COL10A1: variants seen among roughly 807,000 people sequenced by gnomAD.
COL10A1 encodes the protein collagen alpha-1(X) chain.
A neutral mutation model predicts 18.2 loss-of-function variants in COL10A1; 10 were observed. The ratio of observed to expected loss-of-function variants is 0.55; its 90% CI spans 0.34 to 0.93. The LOEUF is 0.93. COL10A1 is among the 40% of genes least tolerant of loss of function. The pLI is 0.02. For synonymous variants in COL10A1, 330 were observed against 316.6 expected, an observed-to-expected ratio of 1.04 and a Z score of -0.45; for missense variants, 897 against 853.5, an observed-to-expected ratio of 1.05 and a Z score of -0.64.
the COL10A1 span, among the ~76,000 whole-genome samples, chr6:116,205,970 GT>G: frequency 1.3e-5 from 2 of 151,906 alleles, no homozygotes; most frequent in Non-Finnish European, 2.9e-5. Flanking sequence ...GCTACCCCAA[GT>G]TTCTCTGCTC....
intron 1 of COL10A1, chr6:116,137,163 G>T: frequency 5.2e-6 from 1 of 193,746 alleles, no homozygotes. Context: ...AGATGTGGCT[G>T]CCACCCCAAA....
chr6:116,182,490 T>A, the COL10A1 span, among the ~76,000 whole-genome samples: 4 of 152,178 alleles, frequency 2.6e-5, no homozygotes, highest in Non-Finnish European at 5.9e-5. Flanking sequence ...TGTACTAGTT[T>A]ACATACCCAC....
chr6:116,168,286 C>G, the COL10A1 span, among the ~76,000 whole-genome samples: 1 of 151,928 alleles, frequency 6.6e-6, no homozygotes, highest in Non-Finnish European at 1.5e-5. Flanking sequence ...CACCTTCTCT[C>G]TTTTCTTGTC....
chr6:116,154,160 T>A (rs575003107), intron 1 of COL10A1, among the ~76,000 whole-genome samples: 1 of 151,594 alleles, frequency 6.6e-6, no homozygotes, highest in Admixed American at 6.6e-5. Context: ...AGAATAGCAA[T>A]AAGAGTCTAT....
intron 1 of COL10A1, among the ~76,000 whole-genome samples, chr6:116,144,665 T>G (rs532613964): frequency 9.2e-5 from 14 of 152,310 alleles, no homozygotes; most frequent in Non-Finnish European, 1.5e-4. Flanking sequence ...TAGATTTTAT[T>G]TGTAATCCAC....
chr6:116,135,868 TATATAC>T (rs1435648363), intron 1 of COL10A1, among the ~76,000 whole-genome samples: 1,807 of 115,184 alleles, frequency 0.016, 54 homozygotes, highest in African/African-American at 0.055. Flanking sequence ...TATATATATA[TATATAC>T]ACACATACAC....
At chr6:116,215,626 T>G in the COL10A1 span, among the ~76,000 whole-genome samples, 1 of 152,112 alleles carries the variant, frequency 6.6e-6, no homozygotes, top group African/African-American at 2.4e-5. Flanking sequence ...TTCAAAAACC[T>G]CTCTCCACAT....
In COL10A1 at chr6:116,148,700, G is replaced by T. The variant is rs574762054; in HGVS notation, c.-16+9914C>A. Reference sequence around the variant, plus strand: ...ATTAATAATTAAAATGGTTTTTTGAGAAATTTTTTGTCTTTCTCTATGAGA... The same window carrying T: ...ATTAATAATTAAAATGGTTTTTTGATAAATTTTTTGTCTTTCTCTATGAGA... On this transcript the variant is annotated intron_variant, in intron 1 of 1. Transcript: ENST00000418500. Among the ~76,000 whole-genome samples, 68 of 152,164 alleles carry T rather than the reference G, an allele frequency of 4.5e-4. 3 individuals carry two copies. In the South Asian group the frequency reaches 0.014, roughly 31 times the overall value.
At chr6:116,207,124 A>G in the COL10A1 span, among the ~76,000 whole-genome samples, 1 of 151,972 alleles carries the variant, frequency 6.6e-6, no homozygotes, top group Non-Finnish European at 1.5e-5. Flanking sequence ...TGTTTTATTC[A>G]GATCCTCTGG....
At chr6:116,211,929 G>A in the COL10A1 span, among the ~76,000 whole-genome samples, 2 of 151,990 alleles carry the variant, frequency 1.3e-5, no homozygotes, top group African/African-American at 4.8e-5. Context: ...ATGTTGCAAA[G>A]AGTATTGGGG....
intron 1 of COL10A1, among the ~76,000 whole-genome samples, chr6:116,151,266 G>A (rs569925832): frequency 3.9e-5 from 6 of 152,212 alleles, no homozygotes; most frequent in African/African-American, 1.2e-4. Flanking sequence ...GAATATGTGG[G>A]CCTGTGATGA....
Position 116,119,994 on chromosome 6 carries a change from T to A in COL10A1, c.*79A>T. 5 of 1,198,662 alleles carry A rather than the reference T, an allele frequency of 4.2e-6. No individual in the cohort carries two copies. Among genetic ancestry groups the A allele is most frequent in the Non-Finnish European group, 6.2e-6 (5 of 804,822 alleles). The allele number at this position is 1,198,662 out of a possible 1,614,324, so 74.3% of individuals were successfully genotyped here. Reference sequence around the variant, plus strand: ...AAAATTACATTCTTTTCAGCCTACCTCCATATGCATTTTGTAGGGTGGGGT... The same window carrying A: ...AAAATTACATTCTTTTCAGCCTACCACCATATGCATTTTGTAGGGTGGGGT... On this transcript the variant is annotated 3_prime_UTR_variant, in exon 3 of 3. Transcript: ENST00000651968.
At chr6:116,202,975 T>C in the COL10A1 span, among the ~76,000 whole-genome samples, 9 of 151,966 alleles carry the variant, frequency 5.9e-5, no homozygotes, top group African/African-American at 2.2e-4. Context: ...AACTTTTACT[T>C]TTCCAAACAT....
chr6:116,217,001 G>A, the COL10A1 span, among the ~76,000 whole-genome samples: 1 of 152,260 alleles, frequency 6.6e-6, no homozygotes, highest in East Asian at 1.9e-4. Context: ...GGAAGTGTTA[G>A]CATCCTGGCA....
chr6:116,149,873 A>G (rs1400595730), intron 1 of COL10A1, among the ~76,000 whole-genome samples: 7 of 152,226 alleles, frequency 4.6e-5, no homozygotes, highest in Non-Finnish European at 1.0e-4. Flanking sequence ...TTTGCACAAC[A>G]AACCAGCATT....
the COL10A1 span, among the ~76,000 whole-genome samples, chr6:116,171,005 A>T: frequency 6.6e-6 from 1 of 151,174 alleles, no homozygotes; most frequent in African/African-American, 2.4e-5. Context: ...GCCTGTTACC[A>T]CCCTACCACG....
At chr6:116,169,623 CCTG>C in the COL10A1 span, among the ~76,000 whole-genome samples, 173 of 152,270 alleles carry the variant, frequency 1.1e-3, no homozygotes, top group Non-Finnish European at 2.0e-3. Flanking sequence ...GCCTGTAGTA[CCTG>C]CTATCTGCTA....
At chr6:116,165,183 C>A in the COL10A1 span, among the ~76,000 whole-genome samples, 1 of 150,680 alleles carries the variant, frequency 6.6e-6, no homozygotes, top group African/African-American at 2.4e-5. Flanking sequence ...TCTGGCTTGT[C>A]AGTTTCTGCT....
At chr6:116,215,625 C>G in the COL10A1 span, among the ~76,000 whole-genome samples, 3 of 152,112 alleles carry the variant, frequency 2.0e-5, no homozygotes, top group Non-Finnish European at 1.5e-5. Flanking sequence ...CTTCAAAAAC[C>G]TCTCTCCACA....
Sources: gnomAD v4.1 joint callset for allele counts (sites outside exome capture counted in the v4.1 genomes callset) on GRCh38, gnomAD v4.1.1 for gene constraint, MANE v1.5 for transcripts, NCBI Gene and HGNC (gene_info 2026-07-23, HGNC 2026-07-21) for gene names.